ENTPD2: variants seen among roughly 807,000 people sequenced by gnomAD.
ENTPD2 encodes the protein ectonucleoside triphosphate diphosphohydrolase 2.
Under a neutral mutation model 46.8 loss-of-function variants are expected in ENTPD2, and 48 were observed. That is an observed-to-expected ratio of 1.03 (90% CI 0.81 to 1.30). The LOEUF (loss-of-function observed/expected upper bound fraction) is 1.30. Ranked by LOEUF, ENTPD2 falls within the 50% of genes most tolerant of loss-of-function variation. ENTPD2 has a pLI of 0.00. For missense variants in ENTPD2, 707 were observed against 651.1 expected (o/e 1.09, Z -0.93); for synonymous variants, 316 against 286.1 (o/e 1.10, Z -1.06).
intron 1 of ENTPD2, 58 bp downstream of exon 1, chr9:137,053,823 C>G: frequency 8.8e-7 from 1 of 1,142,054 alleles, no homozygotes; most frequent in Non-Finnish European, 1.1e-6. Context: ...CACCCCCTCC[C>G]CGGCTCCAAG....
In ENTPD2 at chr9:137,052,338, A is replaced by G. The variant is rs779203826; in HGVS notation, c.128T>C (p.Val43Ala). 2.6e-6 allele frequency: 3 copies of G among 1,167,178 alleles called. 1 individual carries two copies. In the South Asian group the frequency reaches 3.6e-5, roughly 14 times the overall value. 72.3% of individuals were successfully genotyped at this position (1,167,178 alleles called of 1,614,324 possible). The change falls in exon 2 of 9, where the codon GTC (valine) becomes GCC (alanine). Residue 43 changes from valine (V) to alanine (A), a missense_variant. Physicochemically the swap from Val to Ala is moderately conservative, Grantham distance 64. Transcript: ENST00000355097. ...CGTGTGTGAAGAACCAGCGTCCAGGACGATGCCATACTGCGGGGGAGGGGG... is the reference window on the plus strand; with the variant it reads ...CGTGTGTGAAGAACCAGCGTCCAGGGCGATGCCATACTGCGGGGGAGGGGG... The part of the protein sequence containing the change: ...REPPALKYGI[V>A]LDAGSSHTSM...
In ENTPD2 at chr9:137,048,932, C is replaced by T; in HGVS notation, c.1284+9G>A. On this transcript the variant is annotated intron_variant, in intron 8 of 8. Coordinates refer to ENST00000355097, the MANE Select transcript of ENTPD2 (RefSeq NM_203468.3). ...AAGGTCGGCCCCGCCCCGCCCCGCC[C>T]CAGCCCACCTTCTTCTGGAAGATCA... The T allele has an allele frequency of 6.6e-7, 1 of 1,520,920 alleles. No homozygotes were observed. Among genetic ancestry groups the T allele is most frequent in the Non-Finnish European group, 8.8e-7 (1 of 1,136,716 alleles). The allele number at this position is 1,520,920 out of a possible 1,614,324, so 94.2% of individuals were successfully genotyped here. A position where few individuals can be genotyped will look rare whatever the true frequency, so the allele number is the denominator to read the frequency against.
Position 137,051,346 on chromosome 9 carries a change from G to A in ENTPD2, c.411C>T (p.Thr137=), listed in dbSNP as rs1426850973. The change falls in exon 4 of 9, where the codon ACC becomes ACT. Residue 137 remains threonine (T), a synonymous_variant. Coordinates refer to ENST00000355097, the MANE Select transcript of ENTPD2 (RefSeq NM_203468.3). ...TGTGAGTCACTGCCATGAGCACACT[G>A]GTCGAGGCCTCTGGATTGGTCAGGC... The part of the protein sequence containing the change: ...LLNLTNPEAS[T]SVLMAVTHTL... 2.5e-6 allele frequency: 4 copies of A among 1,570,824 alleles called. No homozygotes were observed. Among genetic ancestry groups the A allele is most frequent in the Non-Finnish European group, 3.5e-6 (4 of 1,156,028 alleles).
rs144578226 is a variant in ENTPD2, at chr9:137,052,273, C to T, written c.193G>A (p.Asp65Asn). ...IYKWPADKEN[D>N]TGIVGQHSSC... ...CTGTGCTGGCCCACAATGCCTGTGT[C>T]GTTCTCCTTGTCTGCCGGCCACTTG... Residue 65 changes from aspartate to asparagine, a missense_variant, in exon 2 of 9, where the codon GAC (aspartate) becomes AAC (asparagine). Asp to Asn is a conservative substitution (Grantham distance 23). Transcript: ENST00000355097. 2.1e-5 allele frequency: 34 copies of T among 1,610,522 alleles called. No individual in the cohort carries two copies. The Middle Eastern group carries it at 1.2e-3, about 55-fold the overall frequency.
At chr9:137,051,771 C>T (rs1832303907) in intron 2 of ENTPD2, 111 bp from the exon 3 acceptor site, 2 of 1,420,370 alleles carry the variant, frequency 1.4e-6, no homozygotes, top group East Asian at 2.5e-5. Flanking sequence ...GACCAGGTGG[C>T]ACACCTTCCC....
intron 1 of ENTPD2, 40 bp from the exon 2 acceptor site, chr9:137,052,388 G>GTGTCA: frequency 1.4e-6 from 2 of 1,408,878 alleles, no homozygotes; most frequent in Non-Finnish European, 9.9e-7. Flanking sequence ...GGGTGTCCGG[G>GTGTCA]GGCCCTGACA....
chr9:137,048,687 C>T lies in ENTPD2; in HGVS notation c.1458G>A (p.Val486=). The change falls in exon 9 of 9, where the codon GTG becomes GTA. Residue 486 remains valine, a synonymous_variant. Coordinates refer to ENST00000355097, the MANE Select transcript of ENTPD2 (RefSeq NM_203468.3). The part of the protein sequence containing the change: ...LAALVLLLRQ[V]HSAKLPSTI ...TGGTGCTTGGCAGCTTGGCGGAGTG[C>T]ACCTGACGCAGCAGCAGGACAAGCG... 6.2e-7 allele frequency: 1 copy of T among 1,602,484 alleles called. No individual in the cohort carries two copies.
At position 137,050,301 on chromosome 9, in the gene ENTPD2, C is replaced by CCCGCCTGTCCCTACCCACGACAAAGT. The variant is rs766682056; in HGVS notation, c.1011_1012insACTTTGTCGTGGGTAGGGACAGGCGG (p.Val338ThrfsTer46). ...CTACTCACCACAAAGTTCCCAGCCA[C>CCCGCCTGTCCCTACCCACGACAAAGT]TGGGGGCTGGAAGACCCCATTGAAA... On this transcript the variant is annotated frameshift_variant, in exon 6 of 9. Coordinates refer to ENST00000355097, the MANE Select transcript of ENTPD2 (RefSeq NM_203468.3). LOFTEE classifies it high-confidence loss of function. 3 of 1,607,094 alleles carry CCCGCCTGTCCCTACCCACGACAAAGT rather than the reference C, an allele frequency of 1.9e-6. No individual in the cohort carries two copies. The highest frequency in any genetic ancestry group is 2.7e-5 in the African/African-American group (2 of 74,706).
At chr9:137,051,173 C>G in intron 4 of ENTPD2, 38 bp downstream of exon 4, 1 of 1,611,658 alleles carries the variant, frequency 6.2e-7, no homozygotes, top group Non-Finnish European at 8.5e-7. Flanking sequence ...CCGAGGGCGC[C>G]CACGCCCCCT....
chr9:137,050,541 G>C lies in ENTPD2; in HGVS notation c.775-3C>G. 2.5e-6 allele frequency: 4 copies of C among 1,610,670 alleles called. No individual in the cohort carries two copies. Among genetic ancestry groups the C allele is most frequent in the Middle Eastern group, 1.7e-4 (1 of 6,052 alleles). ...CAGCAGGGGTGGAAGCCGTGGGTCT[G>C]GGGGAATCACCAGCGTGACAGGGTG... On this transcript the variant is annotated splice_region_variant and splice_polypyrimidine_tract_variant and intron_variant, in intron 5 of 8. Transcript: ENST00000355097.
At chr9:137,051,801 G>T in intron 2 of ENTPD2, 141 bp from the exon 3 acceptor site, 2 of 1,319,838 alleles carry the variant, frequency 1.5e-6, no homozygotes, top group Non-Finnish European at 2.0e-6. Context: ...CCCCAGAAAC[G>T]CCCAGGTTGG....
In ENTPD2 at chr9:137,051,022, C is replaced by G; in HGVS notation, c.654G>C (p.Glu218Asp). 2 of 1,612,988 alleles carry G rather than the reference C, an allele frequency of 1.2e-6. No individual in the cohort carries two copies. The highest frequency in any genetic ancestry group is 1.7e-6 in the Non-Finnish European group (2 of 1,179,996). Residue 218 changes from glutamate (E) to aspartate (D), a missense_variant, in exon 5 of 9, where the codon GAG becomes GAC. Glu to Asp is a conservative substitution (Grantham distance 45, BLOSUM62 2). Transcript: ENST00000355097. ...QITFETTSPA[E>D]DRASEVQLHL... ...GCAGCTGGACCTCGCTGGCTCTGTC[C>G]TCAGCTGGACTGGTTGTCTCAAAAG...
chr9:137,051,126 CG>C lies in ENTPD2; in HGVS notation c.549del (p.Tyr183Ter). ...ANYLLENFIK[Y>X]GWVGRWFRPR... ...GGCCGGAACCACCGGCCCACCCAGC[CG>C]TACTGTGGAGAGGGGAGTGTGGGGT... On this transcript the variant is annotated frameshift_variant and splice_region_variant, in exon 5 of 9. Transcript: ENST00000355097. LOFTEE classifies it high-confidence loss of function. 1.2e-6 allele frequency: 2 copies of C among 1,612,842 alleles called. No individual in the cohort carries two copies. Among genetic ancestry groups the C allele is most frequent in the South Asian group, 2.2e-5 (2 of 91,078 alleles).
chr9:137,048,300 G>A lies in ENTPD2; in HGVS notation c.*357C>T, dbSNP rs957594850. The stretch of plus-strand genomic sequence containing the variant: ...GAGGAGGAGGAGCACGGGGCCTGCA[G>A]TGATGCCCAGGCTGAAGCGGGCTGG... On this transcript the variant is annotated 3_prime_UTR_variant, in exon 9 of 9. Transcript: ENST00000355097. 86 of 233,886 alleles carry A rather than the reference G, an allele frequency of 3.7e-4. 1 individual carries two copies. The highest frequency in any genetic ancestry group is 6.8e-5 in the Non-Finnish European group (8 of 118,190). The allele number at this position is 233,886 out of a possible 1,614,324, so 14.5% of individuals were successfully genotyped here.
chr9:137,053,164 A>G (rs2131516840), intron 1 of ENTPD2: 1 of 152,510 alleles, frequency 6.6e-6, no homozygotes, highest in Non-Finnish European at 1.5e-5. Flanking sequence ...GTGCACCGCC[A>G]CATGGCCGTC....
At position 137,048,621 on chromosome 9, in the gene ENTPD2, T is replaced by G. The variant is rs1467957426; in HGVS notation, c.*36A>C. On this transcript the variant is annotated 3_prime_UTR_variant, in exon 9 of 9. Coordinates refer to ENST00000355097, the MANE Select transcript of ENTPD2 (RefSeq NM_203468.3). ...GGAGTACGGGGTGGGGATACAGGGGTTGGGGGAGGGATGGGGCAGCTGCCC... is the reference window on the plus strand; with the variant it reads ...GGAGTACGGGGTGGGGATACAGGGGGTGGGGGAGGGATGGGGCAGCTGCCC... The G allele has an allele frequency of 8.0e-5, 113 of 1,403,852 alleles. No individual in the cohort carries two copies. Among genetic ancestry groups the G allele is most frequent in the African/African-American group, 3.1e-4 (18 of 58,968 alleles). The allele number at this position is 1,403,852 out of a possible 1,614,324, so 87.0% of individuals were successfully genotyped here. A position where few individuals can be genotyped will look rare whatever the true frequency, so the allele number is the denominator to read the frequency against.
chr9:137,053,793 C>A lies in ENTPD2; in HGVS notation c.117+88G>T, dbSNP rs1327202203. On this transcript the variant is annotated intron_variant, in intron 1 of 8. Transcript: ENST00000355097. Reference sequence around the variant, plus strand: ...AGCACGGTGGGGGTCCCGGGCTGATCCTGCTCAGGTTCCCAGCCGCACCCC... The same window carrying A: ...AGCACGGTGGGGGTCCCGGGCTGATACTGCTCAGGTTCCCAGCCGCACCCC... 16 of 910,044 alleles carry A rather than the reference C, an allele frequency of 1.8e-5. 1 individual carries two copies. The highest frequency in any genetic ancestry group is 1.7e-4 in the East Asian group (5 of 28,670). 56.4% of individuals were successfully genotyped at this position (910,044 alleles called of 1,614,324 possible).
At chr9:137,048,887 C>G in intron 8 of ENTPD2, 27 bp from the exon 9 acceptor site, 1 of 1,502,898 alleles carries the variant, frequency 6.7e-7, no homozygotes, top group Non-Finnish European at 8.9e-7. Flanking sequence ...GGCCTCAGCT[C>G]CCGAGAGGCC....
chr9:137,049,947 A>G lies in ENTPD2; in HGVS notation c.1072T>C (p.Ser358Pro). ...FFYTVDFLRT[S>P]MGLPVATLQQ... The stretch of plus-strand genomic sequence containing the variant: ...AGGGTGGCCACGGGCAGCCCCATCG[A>G]AGTCCGCAAAAAGTCCACAGTGTAG... Residue 358 changes from serine to proline, a missense_variant, in exon 7 of 9, where the codon TCG becomes CCG. By Grantham distance (74) the Ser-to-Pro change is moderately conservative. Transcript: ENST00000355097. The G allele has an allele frequency of 6.2e-7, 1 of 1,612,612 alleles. No homozygotes were observed. Among genetic ancestry groups the G allele is most frequent in the Non-Finnish European group, 8.5e-7 (1 of 1,179,826 alleles).
Sources: allele counts gnomAD v4.1 joint callset, GRCh38; gene constraint gnomAD v4.1.1; transcripts MANE v1.5; gene names NCBI Gene and HGNC (gene_info 2026-07-23, HGNC 2026-07-21).